PUDP: variants seen among roughly 807,000 people sequenced by gnomAD.
PUDP encodes pseudouridine-5'-phosphatase.
A neutral mutation model predicts 9.4 loss-of-function variants in PUDP; 8 were observed. The observed-to-expected ratio is 0.85, with a 90% CI of 0.50 to 1.53. The LOEUF (loss-of-function observed/expected upper bound fraction) is 1.53, where lower values mean the gene tolerates loss of function less well. PUDP is among the 40% of genes most tolerant of loss of function. PUDP has a pLI of 0.00. For synonymous variants in PUDP, 99 were observed against 80.7 expected (o/e 1.23, Z -1.22); for missense variants, 188 against 189.7 (o/e 0.99, Z 0.05).
chrX:6,741,522 A>G (rs1924935774), intron 3 of PUDP, among the ~76,000 whole-genome samples: 1 of 111,675 alleles, frequency 9.0e-6, no homozygotes, highest in Admixed American at 9.5e-5. Flanking sequence ...AGATAGATAT[A>G]GATATATAGA....
intron 1 of PUDP, among the ~76,000 whole-genome samples, chrX:7,038,041 T>C (rs1365501103): frequency 8.9e-6 from 1 of 112,725 alleles, no homozygotes; most frequent in Non-Finnish European, 1.9e-5. Context: ...TTTTTTTCTT[T>C]AATCCAAAAC....
chrX:7,073,209 A>G (rs990874172), intron 3 of PUDP, among the ~76,000 whole-genome samples: 3 of 112,259 alleles, frequency 2.7e-5, no homozygotes, highest in South Asian at 3.7e-4. Flanking sequence ...TGTTTGCTTG[A>G]TATTTTTTAG....
At chrX:7,073,003 G>A (rs1161269845) in intron 3 of PUDP, among the ~76,000 whole-genome samples, 1 of 110,842 alleles carries the variant, frequency 9.0e-6, no homozygotes, top group African/African-American at 3.3e-5. Context: ...ACCAAGCAAT[G>A]AGTGTGCTCA....
intron 3 of PUDP, among the ~76,000 whole-genome samples, chrX:6,914,094 G>A (rs1439685110): frequency 2.9e-5 from 3 of 105,106 alleles, no homozygotes; most frequent in African/African-American, 1.0e-4. Context: ...GTGAATCTGG[G>A]AGGCGGAGCT....
chrX:7,055,127 T>A (rs1883437748), intron 3 of PUDP, among the ~76,000 whole-genome samples: 1 of 112,004 alleles, frequency 8.9e-6, no homozygotes, highest in African/African-American at 3.2e-5. Context: ...TGCCACAGCA[T>A]CTGGAAGTTT....
At chrX:7,145,752 A>C (rs1223340798) in intron 1 of PUDP, among the ~76,000 whole-genome samples, 3 of 111,583 alleles carry the variant, frequency 2.7e-5, no homozygotes, top group African/African-American at 9.8e-5. Flanking sequence ...TCTAATGTTA[A>C]CAATCCTCCA....
At chrX:6,847,842 C>A (rs756071415) in intron 3 of PUDP, among the ~76,000 whole-genome samples, 14 of 111,783 alleles carry the variant, frequency 1.3e-4, no homozygotes, top group Non-Finnish European at 2.6e-4. Flanking sequence ...CTTGATCCTG[C>A]ATTCAGACTA....
chrX:6,983,868 A>G (rs780249023), intron 1 of PUDP, among the ~76,000 whole-genome samples: 11 of 112,632 alleles, frequency 9.8e-5, no homozygotes, highest in African/African-American at 3.5e-4. Flanking sequence ...GCGTACCCCA[A>G]GTAACCAATG....
At chrX:7,089,519 C>T (rs1931363099) in intron 2 of PUDP, among the ~76,000 whole-genome samples, 1 of 111,614 alleles carries the variant, frequency 9.0e-6, no homozygotes, top group South Asian at 3.8e-4. Flanking sequence ...CACTACTTCA[C>T]ATCCGGGATT....
chrX:6,918,437 C>T (rs1399521679), intron 3 of PUDP, among the ~76,000 whole-genome samples: 1 of 107,999 alleles, frequency 9.3e-6, no homozygotes, highest in Non-Finnish European at 1.9e-5. Context: ...AATCATCTAT[C>T]ATGAGCTTTT....
chrX:6,816,917 A>G (rs1188461685), intron 3 of PUDP, among the ~76,000 whole-genome samples: 2 of 94,628 alleles, frequency 2.1e-5, no homozygotes, highest in African/African-American at 3.9e-5. Context: ...ACTATATAGT[A>G]TATATAATAT....
chrX:7,113,960 A>G (rs1005797911), intron 1 of PUDP, among the ~76,000 whole-genome samples: 1 of 111,349 alleles, frequency 9.0e-6, no homozygotes, highest in Non-Finnish European at 1.9e-5. Flanking sequence ...ACATTTTGGG[A>G]GGGCCTTCTT....
intron 3 of PUDP, among the ~76,000 whole-genome samples, chrX:6,970,234 G>C (rs934726964): frequency 3.6e-5 from 4 of 112,090 alleles, no homozygotes; most frequent in African/African-American, 1.3e-4. Context: ...CAATCATTTA[G>C]CCATTTTGAA....
chrX:6,752,041 G>A lies in PUDP; in HGVS notation c.*248-45575C>T, dbSNP rs773614672. ...CTCTTCTTCAGTCCCTAGCAGGCAGGTGGTGCTTTATTCTTCTCAAATTGT... is the reference window on the plus strand; with the variant it reads ...CTCTTCTTCAGTCCCTAGCAGGCAGATGGTGCTTTATTCTTCTCAAATTGT... On this transcript the variant is annotated intron_variant and NMD_transcript_variant, in intron 3 of 3. Coordinates refer to the PUDP transcript ENST00000655425. Among the ~76,000 whole-genome samples, 10 of 111,167 alleles carry A rather than the reference G, an allele frequency of 9.0e-5. No homozygotes were observed. The East Asian group carries it at 2.6e-3, about 28-fold the overall frequency.
At chrX:6,714,658 G>A (rs969784113) in intron 1 of PUDP, among the ~76,000 whole-genome samples, 3 of 111,183 alleles carry the variant, frequency 2.7e-5, no homozygotes, top group African/African-American at 6.5e-5. Flanking sequence ...AAATGGAGAT[G>A]ATTGATAGAT....
At chrX:7,138,835 T>A (rs1189442522) in intron 1 of PUDP, among the ~76,000 whole-genome samples, 2 of 112,036 alleles carry the variant, frequency 1.8e-5, no homozygotes, top group Non-Finnish European at 3.8e-5. Context: ...GAGAAATGCA[T>A]GTGTTAGGAT....
At position 6,885,048 on chromosome X, in the gene PUDP, C is replaced by T. The variant is rs184423942; in HGVS notation, c.*247+92085G>A. 3.6e-5 allele frequency among the ~76,000 whole-genome samples: 4 copies of T among 112,004 alleles called. No homozygotes were observed. In the East Asian group the frequency reaches 1.1e-3, roughly 31 times the overall value. On this transcript the variant is annotated intron_variant and NMD_transcript_variant, in intron 3 of 3. Transcript: ENST00000655425. ...AGATTCTAGCAATATGGAGAAGAAG[C>T]TGACATAGATAAATCAGTGCAGAAC...
intron 3 of PUDP, among the ~76,000 whole-genome samples, chrX:6,965,805 C>A (rs1306862395): frequency 9.0e-6 from 1 of 111,538 alleles, no homozygotes; most frequent in East Asian, 2.8e-4. Context: ...AAAATAAAAA[C>A]CTATGCAGCT....
At chrX:6,894,020 T>C (rs922077551) in intron 3 of PUDP, among the ~76,000 whole-genome samples, 3 of 111,751 alleles carry the variant, frequency 2.7e-5, no homozygotes, top group African/African-American at 9.8e-5. Flanking sequence ...AGACTGCTTG[T>C]TCTCACTTAC....
Sources: gnomAD v4.1 joint callset for allele counts (sites outside exome capture counted in the v4.1 genomes callset) on GRCh38, gnomAD v4.1.1 for gene constraint, MANE v1.5 for transcripts, NCBI Gene and HGNC (gene_info 2026-07-23, HGNC 2026-07-21) for gene names.